Variants in NAV2 observed in about 807,000 individuals in gnomAD.
NAV2 encodes neuron navigator 2, also known as helicase, APC down-regulated 1.
Under a neutral mutation model 223.2 loss-of-function variants are expected in NAV2, and 54 were observed. The ratio of observed to expected loss-of-function variants is 0.24; its 90% CI spans 0.19 to 0.30. NAV2 has a LOEUF of 0.30. NAV2 is among the 10% of genes least tolerant of loss of function. The pLI is 1.00. For missense variants in NAV2, 2,806 were observed against 3,147.5 expected (o/e 0.89, Z 2.60); for synonymous variants, 1,279 against 1,239.3 (o/e 1.03, Z -0.67).
chr11:19,818,921 G>A (rs1365193878), intron 1 of NAV2, among the ~76,000 whole-genome samples: 1 of 152,122 alleles, frequency 6.6e-6, no homozygotes, highest in Non-Finnish European at 1.5e-5. Context: ...GTCTATTTGT[G>A]CATCCCCCAC....
At chr11:19,764,466 C>T (rs567111828) in intron 1 of NAV2, among the ~76,000 whole-genome samples, 1 of 152,262 alleles carries the variant, frequency 6.6e-6, no homozygotes, top group South Asian at 2.1e-4. Flanking sequence ...AGGGCATATT[C>T]CCAAGTAGAC....
intron 6 of NAV2, among the ~76,000 whole-genome samples, chr11:19,899,074 T>G (rs1032434977): frequency 6.6e-6 from 1 of 152,172 alleles, no homozygotes; most frequent in Non-Finnish European, 1.5e-5. Context: ...GAGGTGTGAA[T>G]GAATTCTTCA....
chr11:19,962,707 A>G (rs1476661309), intron 10 of NAV2, among the ~76,000 whole-genome samples: 3 of 152,170 alleles, frequency 2.0e-5, no homozygotes, highest in African/African-American at 4.8e-5. Context: ...GCAGAGTGAG[A>G]CAGACACACT....
At chr11:19,961,006 G>T (rs926415398) in intron 10 of NAV2, among the ~76,000 whole-genome samples, 5 of 152,106 alleles carry the variant, frequency 3.3e-5, no homozygotes, top group Non-Finnish European at 7.3e-5. Context: ...ACAGAGACCC[G>T]AGGGCTCACA....
At chr11:20,117,051 G>A (rs531187010) in intron 37 of NAV2, among the ~76,000 whole-genome samples, 8 of 152,260 alleles carry the variant, frequency 5.3e-5, no homozygotes, top group Admixed American at 2.0e-4. Context: ...GCAGCCTGGC[G>A]CATCTGGGTA....
At chr11:19,537,465 G>C (rs1225581769) in intron 1 of NAV2, among the ~76,000 whole-genome samples, 1 of 152,180 alleles carries the variant, frequency 6.6e-6, no homozygotes, top group Non-Finnish European at 1.5e-5. Flanking sequence ...GATGAAGCCT[G>C]GATTCAAACC....
rs375791012 is a variant in NAV2 at position 19,997,373 on chromosome 11, C to A, written c.2768+13126C>A. ...CATTTTTCCATTGTCAGTGTGGTAG[C>A]AACTCATGAGAGCTCTGGGTACACC... is the stretch of plus-strand genomic sequence containing the variant. On this transcript the variant is annotated intron_variant, in intron 11 of 37. Transcript: ENST00000349880. Among the ~76,000 whole-genome samples, 53 of 152,256 alleles carry A rather than the reference C, an allele frequency of 3.5e-4. No homozygotes were observed. The East Asian group carries it at 7.7e-3, about 22-fold the overall frequency.
At chr11:19,584,067 G>T (rs565054087) in intron 1 of NAV2, among the ~76,000 whole-genome samples, 1 of 152,140 alleles carries the variant, frequency 6.6e-6, no homozygotes, top group African/African-American at 2.4e-5. Flanking sequence ...CCTGTTATTG[G>T]TCTATTCAGA....
intron 1 of NAV2, among the ~76,000 whole-genome samples, chr11:19,738,889 C>CTGCCTGGGCT (rs1365670027): frequency 5.3e-5 from 8 of 152,216 alleles, no homozygotes; most frequent in African/African-American, 1.9e-4. Context: ...CCCTGGTTCA[C>CTGCCTGGGCT]GTATTGGTAC....
At chr11:19,896,745 T>C (rs1277859432) in intron 6 of NAV2, among the ~76,000 whole-genome samples, 1 of 152,192 alleles carries the variant, frequency 6.6e-6, no homozygotes, top group African/African-American at 2.4e-5. Flanking sequence ...GACAAAAATA[T>C]TTCAACATTT....
At chr11:19,499,681 G>T (rs1263504482) in intron 1 of NAV2, among the ~76,000 whole-genome samples, 2 of 152,124 alleles carry the variant, frequency 1.3e-5, no homozygotes, top group Admixed American at 6.5e-5. Context: ...ATCTTTCAGG[G>T]TTATTGTGTA....
chr11:19,754,759 A>G (rs1274611729), intron 1 of NAV2, among the ~76,000 whole-genome samples: 2 of 152,212 alleles, frequency 1.3e-5, no homozygotes, highest in East Asian at 1.9e-4. Context: ...TTGACTGGTT[A>G]TTTTGTAGAG....
chr11:19,687,480 A>G (rs2049055677), intron 1 of NAV2, among the ~76,000 whole-genome samples: 1 of 152,252 alleles, frequency 6.6e-6, no homozygotes, highest in African/African-American at 2.4e-5. Context: ...AGGTCAAGAC[A>G]TAGAACATTA....
At chr11:19,491,890 C>A (rs2042638266) in intron 1 of NAV2, among the ~76,000 whole-genome samples, 1 of 151,448 alleles carries the variant, frequency 6.6e-6, no homozygotes, top group Admixed American at 6.6e-5. Context: ...CACTTAGAAG[C>A]CATTGTAGGG....
chr11:19,807,614 A>G (rs2058644445), intron 1 of NAV2, among the ~76,000 whole-genome samples: 1 of 152,172 alleles, frequency 6.6e-6, no homozygotes, highest in Non-Finnish European at 1.5e-5. Context: ...CTCCCTCTAG[A>G]TTCTCAGGGC....
At chr11:19,369,837 T>G (rs759644089) in intron 1 of NAV2, among the ~76,000 whole-genome samples, 3 of 152,216 alleles carry the variant, frequency 2.0e-5, no homozygotes, top group Non-Finnish European at 2.9e-5. Flanking sequence ...GGTAGGCACC[T>G]TGACATCTCT....
chr11:19,871,188 T>G (rs999062817), intron 4 of NAV2, among the ~76,000 whole-genome samples: 2 of 152,194 alleles, frequency 1.3e-5, no homozygotes, highest in African/African-American at 2.4e-5. Context: ...AAGACTCACT[T>G]AATGATATTT....
At chr11:19,878,705 C>T (rs1247739817) in intron 4 of NAV2, among the ~76,000 whole-genome samples, 4 of 152,198 alleles carry the variant, frequency 2.6e-5, no homozygotes, top group African/African-American at 9.7e-5. Flanking sequence ...GCAAATCACA[C>T]TGGGGGGAAG....
intron 1 of NAV2, among the ~76,000 whole-genome samples, chr11:19,408,559 C>T (rs1471512802): frequency 6.6e-6 from 1 of 152,222 alleles, no homozygotes; most frequent in African/African-American, 2.4e-5. Context: ...TCCATCCTCA[C>T]AACTTTAGTG....
Sources: allele counts gnomAD v4.1 joint callset (sites outside exome capture counted in the v4.1 genomes callset), GRCh38; gene constraint gnomAD v4.1.1; transcripts MANE v1.5; gene names NCBI Gene and HGNC (gene_info 2026-07-23, HGNC 2026-07-21).